The following ELP6 variants were observed in gnomAD, a reference collection of about 807,000 sequenced individuals.
The protein encoded by ELP6 is elongator complex protein 6.
A neutral mutation model predicts 28.1 loss-of-function variants in ELP6; 23 were observed. That is an observed-to-expected ratio of 0.82 (90% CI 0.59 to 1.16). The LOEUF is 1.16. ELP6 is among the 50% of genes most tolerant of loss of function. The pLI is 0.00. For missense variants in ELP6, 313 were observed against 334.6 expected (o/e 0.94, Z 0.50); for synonymous variants, 132 against 135.8 (o/e 0.97, Z 0.19).
At position 47,507,217 on chromosome 3, in the gene ELP6, C is replaced by T. The variant is rs542253765; in HGVS notation, c.205-2769G>A. On this transcript the variant is annotated intron_variant, in intron 3 of 6. Coordinates refer to ENST00000296149, the MANE Select transcript of ELP6 (RefSeq NM_001031703.3). ...GTCTCTATGAAAATACAAAATTAGC[C>T]GGGTATGGTGGCACATGCCTGTAAT... is the stretch of plus-strand genomic sequence containing the variant. Among the ~76,000 whole-genome samples the T allele has an allele frequency of 7.9e-5, 12 of 151,884 alleles. No homozygotes were observed. The East Asian group carries it at 1.6e-3, about 20-fold the overall frequency.
At chr3:47,497,503 A>T (rs1376317912) in intron 6 of ELP6, 1 of 232,186 alleles carries the variant, frequency 4.3e-6, no homozygotes, top group Non-Finnish European at 7.1e-6. Context: ...TGCCTGGCTA[A>T]TTTTTGTATT....
chr3:47,504,358 T>G lies in ELP6; in HGVS notation c.295A>C (p.Lys99Gln). 1 of 1,610,480 alleles carries G rather than the reference T, an allele frequency of 6.2e-7. No individual in the cohort carries two copies. The highest frequency in any genetic ancestry group is 1.1e-5 in the South Asian group (1 of 90,362). ...SAVDVVFQAQ[K>Q]EPHPLQFLRE... ...AGAAACTGCAGGGGGTGTGGCTCCT[T>G]TTGAGCCTGGAAGACGACGTCCACT... The change falls in exon 4 of 7, where the codon AAG becomes CAG. Residue 99 changes from lysine (K) to glutamine (Q), a missense_variant. By Grantham distance (53) the Lys-to-Gln change is moderately conservative. Transcript: ENST00000296149.
In ELP6 at chr3:47,498,434, T is replaced by A; in HGVS notation, c.526-2A>T. The A allele has an allele frequency of 6.2e-7, 1 of 1,611,816 alleles. No individual in the cohort carries two copies. Among genetic ancestry groups the A allele is most frequent in the Non-Finnish European group, 8.5e-7 (1 of 1,179,868 alleles). On this transcript the variant is annotated splice_acceptor_variant, in intron 5 of 6. Coordinates refer to ENST00000296149, the MANE Select transcript of ELP6 (RefSeq NM_001031703.3). LOFTEE classifies it high-confidence loss of function. Reference sequence around the variant, plus strand: ...GTGCACAAGGACCACCATGTTTCCCTGCATCAGATACAAGATGGAAGCCTG... The same window carrying A: ...GTGCACAAGGACCACCATGTTTCCCAGCATCAGATACAAGATGGAAGCCTG...
At chr3:47,504,703 C>T in intron 3 of ELP6, 2 of 961,014 alleles carry the variant, frequency 2.1e-6, no homozygotes, top group Non-Finnish European at 2.5e-6. Context: ...TGCCTGGAGT[C>T]CCAGCTACTT....
At position 47,513,643 on chromosome 3, in the gene ELP6, C is replaced by G; in HGVS notation, c.-53G>C. ...AGGAGAACCCGGAGTGCTGCAGAGA[C>G]GACGGAGGCTGGAGAGCAAAACACA... On this transcript the variant is annotated 5_prime_UTR_variant, in exon 1 of 7. Coordinates refer to ENST00000296149, the MANE Select transcript of ELP6 (RefSeq NM_001031703.3). The G allele has an allele frequency of 6.2e-7, 1 of 1,608,842 alleles. No individual in the cohort carries two copies.
At chr3:47,497,831 C>A (rs544728264) in intron 6 of ELP6, 1 of 385,096 alleles carries the variant, frequency 2.6e-6, no homozygotes, top group East Asian at 1.6e-4. Flanking sequence ...ACTAGGAAGG[C>A]TGAGGCAGAG....
At chr3:47,498,697 A>C (rs1313795869) in intron 5 of ELP6, 2 of 985,286 alleles carry the variant, frequency 2.0e-6, no homozygotes, top group Non-Finnish European at 1.2e-6. Flanking sequence ...AAATTAGCTC[A>C]ATCTCCTGAA....
intron 5 of ELP6, chr3:47,500,098 G>C (rs757103197): frequency 4.6e-4 from 560 of 1,206,128 alleles, no homozygotes; most frequent in Non-Finnish European, 5.6e-4. Context: ...GCAGAAAGGA[G>C]GGACTGGCAT....
At chr3:47,497,131 A>G in intron 6 of ELP6, 1 of 984,016 alleles carries the variant, frequency 1.0e-6, no homozygotes, top group Non-Finnish European at 1.2e-6. Flanking sequence ...GTTAACCAGG[A>G]AGCTGTGGTG....
intron 2 of ELP6, among the ~76,000 whole-genome samples, chr3:47,510,800 A>G (rs1708993554): frequency 6.6e-6 from 1 of 152,162 alleles, no homozygotes; most frequent in African/African-American, 2.4e-5. Flanking sequence ...TACTGCCAGG[A>G]CAAAGTGTCA....
chr3:47,511,220 G>C lies in ELP6; in HGVS notation c.61C>G (p.Leu21Val), dbSNP rs1335259578. The change falls in exon 2 of 7, where the codon CTG becomes GTG. Residue 21 changes from leucine to valine, a missense_variant. Leu to Val is a conservative substitution (Grantham distance 32). Coordinates refer to ENST00000296149, the MANE Select transcript of ELP6 (RefSeq NM_001031703.3). ...GTCTTGGCATCACAGAGTAGAGTCA[G>C]TTTCCCCTAAAAGTTACAAGGAACA... ...TTPDRAEQGK[L>V]TLLCDAKTDG... 1 of 1,614,042 alleles carries C rather than the reference G, an allele frequency of 6.2e-7. No homozygotes were observed. Among genetic ancestry groups the C allele is most frequent in the Non-Finnish European group, 8.5e-7 (1 of 1,180,008 alleles).
At chr3:47,513,482 A>T in intron 1 of ELP6, 55 bp downstream of exon 1, 3 of 1,587,966 alleles carry the variant, frequency 1.9e-6, no homozygotes, top group Non-Finnish European at 2.6e-6. Context: ...TCCCGGATGC[A>T]GTATTCCGCT....
At position 47,504,451 on chromosome 3, in the gene ELP6, A is replaced by G; in HGVS notation, c.205-3T>C. ...CGCGCCATGGTCAGGCTGACACCCT[A>G]AACATGAAAAAGAGAGTGAGTTACT... On this transcript the variant is annotated splice_region_variant and splice_polypyrimidine_tract_variant and intron_variant, in intron 3 of 6. Coordinates refer to ENST00000296149, the MANE Select transcript of ELP6 (RefSeq NM_001031703.3). The G allele has an allele frequency of 6.3e-7, 1 of 1,596,960 alleles. No individual in the cohort carries two copies. Among genetic ancestry groups the G allele is most frequent in the Non-Finnish European group, 8.5e-7 (1 of 1,170,208 alleles).
At chr3:47,501,954 T>TG in intron 4 of ELP6, 103 bp from the exon 5 acceptor site, 4 of 1,089,310 alleles carry the variant, frequency 3.7e-6, no homozygotes, top group Non-Finnish European at 5.3e-6. Context: ...CAAAGAACTG[T>TG]ATCACAATTC....
intron 5 of ELP6, among the ~76,000 whole-genome samples, chr3:47,500,590 G>C (rs919851450): frequency 1.6e-4 from 24 of 151,994 alleles, no homozygotes; most frequent in African/African-American, 5.3e-4. Context: ...AAAGAGGGTG[G>C]TAGCAGGTCA....
chr3:47,510,651 G>A (rs563831948), intron 2 of ELP6, among the ~76,000 whole-genome samples: 2 of 152,148 alleles, frequency 1.3e-5, no homozygotes, highest in South Asian at 4.2e-4. Flanking sequence ...GTAGAAACAG[G>A]GTCTCCCTAT....
At chr3:47,496,335 C>T in intron 6 of ELP6, 138 bp from the exon 7 acceptor site, 1 of 1,420,990 alleles carries the variant, frequency 7.0e-7, no homozygotes, top group Non-Finnish European at 9.1e-7. Context: ...GGTAATGGGG[C>T]CAACTTGTAA....
intron 6 of ELP6, 61 bp downstream of exon 6, chr3:47,498,225 T>C (rs745500209): frequency 4.4e-6 from 7 of 1,593,884 alleles, no homozygotes; most frequent in Admixed American, 1.7e-5. Flanking sequence ...CTCTCCCCTA[T>C]GTAGTCAAGA....
chr3:47,496,177 T>G lies in ELP6; in HGVS notation c.693A>C (p.Arg231Ser). The change falls in exon 7 of 7, where the codon AGA becomes AGC. Residue 231 changes from arginine (R) to serine (S), a missense_variant. Transcript: ENST00000296149. The part of the protein sequence containing the change: ...VHGQLRILWR[R>S]PSQPAVHRDQ... ...CCCGGTGGACTGCGGGCTGCGATGGTCTCCTCCACAGGATCCTCAGCTACA... is the reference window on the plus strand; with the variant it reads ...CCCGGTGGACTGCGGGCTGCGATGGGCTCCTCCACAGGATCCTCAGCTACA... 6.2e-7 allele frequency: 1 copy of G among 1,614,008 alleles called. No individual in the cohort carries two copies.
Sources: gnomAD v4.1 joint callset for allele counts (sites outside exome capture counted in the v4.1 genomes callset) on GRCh38, gnomAD v4.1.1 for gene constraint, MANE v1.5 for transcripts, NCBI Gene and HGNC (gene_info 2026-07-23, HGNC 2026-07-21) for gene names.